The following PTPRM variants were observed in gnomAD, a reference collection of about 807,000 sequenced individuals.
PTPRM encodes receptor-type tyrosine-protein phosphatase mu.
In PTPRM, 47 loss-of-function variants were observed where a neutral mutation model predicts 186.7. The ratio of observed to expected loss-of-function variants is 0.25; its 90% CI spans 0.20 to 0.32. The LOEUF (loss-of-function observed/expected upper bound fraction) is 0.32. Ranked by LOEUF, PTPRM falls within the 10% of genes least tolerant of loss-of-function variation. The probability of loss-of-function intolerance (pLI) is 1.00; values close to 1 mark genes in which losing one functional copy is unlikely to be tolerated. For missense variants in PTPRM, 1,494 were observed against 1,865.0 expected (o/e 0.80, Z 3.66); for synonymous variants, 668 against 674.9 (o/e 0.99, Z 0.16).
At chr18:7,726,493 A>G (rs2040552147) in intron 1 of PTPRM, among the ~76,000 whole-genome samples, 1 of 152,154 alleles carries the variant, frequency 6.6e-6, no homozygotes, top group African/African-American at 2.4e-5. Context: ...AAGGATTACT[A>G]ATCTTTTACT....
chr18:7,616,458 G>A (rs939868004), intron 1 of PTPRM, among the ~76,000 whole-genome samples: 1 of 152,132 alleles, frequency 6.6e-6, no homozygotes, highest in Admixed American at 6.5e-5. Context: ...ATGCCACAAT[G>A]CTCCACTGCA....
At chr18:8,164,684 A>C (rs1794481710) in intron 14 of PTPRM, among the ~76,000 whole-genome samples, 1 of 152,200 alleles carries the variant, frequency 6.6e-6, no homozygotes, top group African/African-American at 2.4e-5. Flanking sequence ...GGTAGCTGCC[A>C]GGGGCTTGGG....
chr18:7,621,283 G>A (rs888212599), intron 1 of PTPRM, among the ~76,000 whole-genome samples: 3 of 152,130 alleles, frequency 2.0e-5, no homozygotes, highest in Non-Finnish European at 4.4e-5. Flanking sequence ...ACAAATGTTT[G>A]AAACTCTGTT....
intron 7 of PTPRM, among the ~76,000 whole-genome samples, chr18:8,002,375 A>G (rs2083924969): frequency 6.6e-6 from 1 of 152,224 alleles, no homozygotes; most frequent in South Asian, 2.1e-4. Flanking sequence ...ACCTGAATGC[A>G]TGCTAGCTCT....
intron 2 of PTPRM, among the ~76,000 whole-genome samples, chr18:7,794,390 G>A (rs2043499245): frequency 6.6e-6 from 1 of 152,126 alleles, no homozygotes; most frequent in African/African-American, 2.4e-5. Flanking sequence ...TTGGAGCAGT[G>A]GGGCACTGAA....
intron 1 of PTPRM, among the ~76,000 whole-genome samples, chr18:7,698,960 T>G (rs1406561826): frequency 2.0e-5 from 3 of 152,170 alleles, no homozygotes; most frequent in African/African-American, 7.2e-5. Context: ...CCCCAACCCC[T>G]GGGCTGGGGA....
intron 22 of PTPRM, among the ~76,000 whole-genome samples, chr18:8,341,534 G>A (rs1422368991): frequency 6.6e-6 from 1 of 152,172 alleles, no homozygotes; most frequent in Non-Finnish European, 1.5e-5. Flanking sequence ...CCCCTGTTGG[G>A]CCCTGACAAG....
rs187941705 is a variant in PTPRM at position 7,908,464 on chromosome 18, C to A, written c.547+1881C>A. 4.1e-3 allele frequency among the ~76,000 whole-genome samples: 626 copies of A among 152,206 alleles called. 8 individuals are homozygous for A. The highest frequency in any genetic ancestry group is 0.014 in the African/African-American group (599 of 41,542). ...CATGGATTTGAATAGACCACCAGGA[C>A]CCTCTTTGTTAAGCTTTATAGAGAA... is the stretch of plus-strand genomic sequence containing the variant. On this transcript the variant is annotated intron_variant, in intron 4 of 32. Coordinates refer to ENST00000580170, the MANE Select transcript of PTPRM (RefSeq NM_001105244.2).
At chr18:7,693,574 T>G (rs747730553) in intron 1 of PTPRM, among the ~76,000 whole-genome samples, 19 of 152,196 alleles carry the variant, frequency 1.2e-4, no homozygotes, top group Non-Finnish European at 1.9e-4. Context: ...AAAGATGTAT[T>G]GACTACCTAC....
intron 1 of PTPRM, among the ~76,000 whole-genome samples, chr18:7,745,151 T>C (rs1170462670): frequency 6.6e-6 from 1 of 152,206 alleles, no homozygotes; most frequent in Non-Finnish European, 1.5e-5. Flanking sequence ...TTAGAGTTGT[T>C]GCAAGGGTTA....
At chr18:7,766,561 A>G (rs776889976) in intron 1 of PTPRM, among the ~76,000 whole-genome samples, 18 of 152,162 alleles carry the variant, frequency 1.2e-4, no homozygotes, top group Non-Finnish European at 2.1e-4. Context: ...AAAGTTATTC[A>G]TAGGGAATGT....
chr18:7,797,285 C>G (rs2043712316), intron 2 of PTPRM, among the ~76,000 whole-genome samples: 1 of 152,196 alleles, frequency 6.6e-6, no homozygotes, highest in South Asian at 2.1e-4. Context: ...GTGAAGCCTC[C>G]TGTCCTGTCC....
chr18:8,270,829 G>A (rs58002626), intron 19 of PTPRM, among the ~76,000 whole-genome samples: 2,470 of 152,234 alleles, frequency 0.016, 62 homozygotes, highest in African/African-American at 0.052. Flanking sequence ...AACGATGATT[G>A]CCAGGGGATG....
chr18:7,923,294 C>G (rs1475196857), intron 4 of PTPRM, among the ~76,000 whole-genome samples: 1 of 152,162 alleles, frequency 6.6e-6, no homozygotes, highest in Non-Finnish European at 1.5e-5. Context: ...GGGAAATCCA[C>G]TGGAGAGACC....
chr18:8,116,808 G>T (rs138989364), intron 13 of PTPRM, among the ~76,000 whole-genome samples: 1 of 152,240 alleles, frequency 6.6e-6, no homozygotes, highest in East Asian at 1.9e-4. Flanking sequence ...ATTCACCAAA[G>T]GATGATTAAG....
intron 14 of PTPRM, among the ~76,000 whole-genome samples, chr18:8,242,182 AC>A (rs2094439725): frequency 6.6e-6 from 1 of 152,218 alleles, no homozygotes; most frequent in Non-Finnish European, 1.5e-5. Context: ...TATAGGCAGA[AC>A]AAAAAAGAAT....
intron 1 of PTPRM, among the ~76,000 whole-genome samples, chr18:7,762,460 G>A (rs2041821708): frequency 6.6e-6 from 1 of 152,142 alleles, no homozygotes; most frequent in African/African-American, 2.4e-5. Flanking sequence ...AAGGGAAGTG[G>A]TGGCAAGGAA....
intron 3 of PTPRM, among the ~76,000 whole-genome samples, chr18:7,904,890 G>A (rs935400589): frequency 2.0e-5 from 3 of 152,170 alleles, no homozygotes; most frequent in African/African-American, 7.2e-5. Flanking sequence ...CATTCATGTG[G>A]ATCTTTTAAA....
intron 5 of PTPRM, among the ~76,000 whole-genome samples, chr18:7,938,408 C>T (rs117530484): frequency 6.6e-6 from 1 of 152,318 alleles, no homozygotes; most frequent in East Asian, 1.9e-4. Context: ...AGCACAAGCA[C>T]TGCCACTCTC....
Sources: allele counts gnomAD v4.1 joint callset (sites outside exome capture counted in the v4.1 genomes callset), GRCh38; gene constraint gnomAD v4.1.1; transcripts MANE v1.5; gene names NCBI Gene and HGNC (gene_info 2026-07-23, HGNC 2026-07-21).